MROH7: variants seen among roughly 807,000 people sequenced by gnomAD.
MROH7 encodes maestro heat-like repeat-containing protein family member 7.
In MROH7, 113 loss-of-function variants were observed where a neutral mutation model predicts 129.2. That is an observed-to-expected ratio of 0.87 (90% confidence interval 0.75 to 1.02). The LOEUF (loss-of-function observed/expected upper bound fraction) is 1.02. Among genes scored for constraint, MROH7 ranks in the 50% least tolerant of loss-of-function variants. MROH7 has a pLI of 0.00. For synonymous variants in MROH7, 655 were observed against 667.9 expected, an observed-to-expected ratio of 0.98 and a Z score of 0.30; for missense variants, 1,601 against 1,671.3, an observed-to-expected ratio of 0.96 and a Z score of 0.73.
chr1:54,692,407 T>A lies in MROH7; in HGVS notation c.2712-17T>A. On this transcript the variant is annotated splice_polypyrimidine_tract_variant and intron_variant, in intron 15 of 23. Coordinates refer to ENST00000421030, the MANE Select transcript of MROH7 (RefSeq NM_001039464.4). ...GGCCCAGGTAGGCATGAGGTCTTAA[T>A]TGCCTTGTCTTGGCAGCTGGGTGGT... The A allele has an allele frequency of 6.2e-7, 1 of 1,613,750 alleles. No individual in the cohort carries two copies. The highest frequency in any genetic ancestry group is 8.5e-7 in the Non-Finnish European group (1 of 1,179,766).
chr1:54,675,746 T>C (rs1557708191), intron 10 of MROH7, among the ~76,000 whole-genome samples: 1 of 151,716 alleles, frequency 6.6e-6, no homozygotes, highest in Non-Finnish European at 1.5e-5. Context: ...TACAGGAGCA[T>C]GCTACCATGC....
At position 54,710,133 on chromosome 1, in the gene MROH7, G is replaced by T. The variant is rs761699601; in HGVS notation, c.3918G>T (p.Arg1306=). The T allele has an allele frequency of 7.4e-6, 12 of 1,613,640 alleles. No homozygotes were observed. The Admixed American group carries it at 1.7e-4, about 22-fold the overall frequency. Residue 1306 remains arginine, a synonymous_variant, in exon 24 of 24, where the codon CGG becomes CGT. Transcript: ENST00000421030. Reference sequence around the variant, plus strand: ...AGAACCTGCCCACTTCCCACCAGCGGCGCTCCTGGATCATGCAGGCACTGG... The same window carrying T: ...AGAACCTGCCCACTTCCCACCAGCGTCGCTCCTGGATCATGCAGGCACTGG... ...SCENLPTSHQ[R]RSWIMQALGS...
Position 54,676,867 on chromosome 1 carries a change from C to A in MROH7, c.1937-1875C>A, listed in dbSNP as rs376726158. On this transcript the variant is annotated intron_variant, in intron 10 of 23. Transcript: ENST00000421030. The stretch of plus-strand genomic sequence containing the variant: ...GGGATTACAGGCATGCACTACCGTG[C>A]CTGGCTAATTTTTATATTTTTAATA... Among the ~76,000 whole-genome samples, 15 of 151,986 alleles carry A rather than the reference C, an allele frequency of 9.9e-5. No homozygotes were observed. The East Asian group carries it at 1.4e-3, about 14-fold the overall frequency.
At chr1:54,644,864 C>T (rs532795766) in intron 1 of MROH7, among the ~76,000 whole-genome samples, 41 of 148,814 alleles carry the variant, frequency 2.8e-4, no homozygotes, top group African/African-American at 9.5e-4. Flanking sequence ...GCCTGGAGTA[C>T]GGTGGTGCAA....
At chr1:54,671,115 C>A (rs576156157) in intron 7 of MROH7, among the ~76,000 whole-genome samples, 186 bp downstream of exon 7, 3 of 152,114 alleles carry the variant, frequency 2.0e-5, no homozygotes, top group East Asian at 1.9e-4. Context: ...CAGCTGGGCG[C>A]GGTGGCTCAC....
rs1387736814 is a variant in MROH7 at position 54,695,500 on chromosome 1, G to T, written c.2964+10G>T. Reference sequence around the variant, plus strand: ...CGCCTTCTTCGTGGAGGTACCAACGGGGGCAGCGGGTACACAGCGGGAGCT... The same window carrying T: ...CGCCTTCTTCGTGGAGGTACCAACGTGGGCAGCGGGTACACAGCGGGAGCT... On this transcript the variant is annotated intron_variant, in intron 17 of 23. Transcript: ENST00000421030. 6.3e-7 allele frequency: 1 copy of T among 1,592,568 alleles called. No individual in the cohort carries two copies. The highest frequency in any genetic ancestry group is 2.2e-5 in the East Asian group (1 of 44,564).
rs201261795 is a variant in MROH7 at position 54,702,684 on chromosome 1, C to T, written c.3503C>T (p.Ala1168Val). 1.5e-4 allele frequency: 249 copies of T among 1,613,846 alleles called. No homozygotes were observed. The African/African-American group carries it at 2.7e-3, about 17-fold the overall frequency. The change falls in exon 21 of 24, where the codon GCT (alanine) becomes GTT (valine). Residue 1168 changes from alanine (A) to valine (V), a missense_variant. By Grantham distance (64) the Ala-to-Val change is moderately conservative (BLOSUM62 0). Transcript: ENST00000421030. ...ATGGCTTGGGAGTTGCCAAAAAGAGCTTATAGCCGGAAGCCCTGGGACAAC... is the reference window on the plus strand; with the variant it reads ...ATGGCTTGGGAGTTGCCAAAAAGAGTTTATAGCCGGAAGCCCTGGGACAAC... ...YFMAWELPKR[A>V]YSRKPWDNQQ... is the part of the protein sequence containing the mutation.
chr1:54,679,115 A>G, intron 11 of MROH7, 148 bp from the exon 12 acceptor site: 1 of 857,992 alleles, frequency 1.2e-6, no homozygotes, highest in Non-Finnish European at 2.0e-6. Flanking sequence ...AAGGTTCAAC[A>G]CTTATGTGTT....
chr1:54,647,599 G>C (rs1396385669), intron 1 of MROH7, among the ~76,000 whole-genome samples: 1 of 152,150 alleles, frequency 6.6e-6, no homozygotes. Flanking sequence ...AATTAGCCGG[G>C]TGTGGTGGCA....
rs752131035 is a variant in MROH7 at position 54,679,926 on chromosome 1, G to A, written c.2262G>A (p.Leu754=). The change falls in exon 13 of 24, where the codon CTG becomes CTA. Residue 754 remains leucine (L), a synonymous_variant. Transcript: ENST00000421030. Reference sequence around the variant, plus strand: ...TCATGCAAGGCATCTACATGCAGCTGAGCCACATCCAGGAGCCTCGGGCCC... The same window carrying A: ...TCATGCAAGGCATCTACATGCAGCTAAGCCACATCCAGGAGCCTCGGGCCC... The part of the protein sequence containing the change: ...PEIMQGIYMQ[L]SHIQEPRARQ... 1.9e-6 allele frequency: 3 copies of A among 1,613,320 alleles called. No individual in the cohort carries two copies. Among genetic ancestry groups the A allele is most frequent in the East Asian group, 4.5e-5 (2 of 44,868 alleles).
At position 54,665,181 on chromosome 1, in the gene MROH7, G is replaced by GTGACC; in HGVS notation, c.1248_1252dup (p.Ser418Ter). 6.2e-7 allele frequency: 1 copy of GTGACC among 1,613,874 alleles called. No individual in the cohort carries two copies. The highest frequency in any genetic ancestry group is 8.5e-7 in the Non-Finnish European group (1 of 1,179,870). ...GTGCCCTGCAGGAGCCTTTGATGAA[G>GTGACC]TGACCTCATGCCTGGTGAAGGTGCC... is the stretch of plus-strand genomic sequence containing the variant. On this transcript the variant is annotated frameshift_variant, in exon 4 of 24. Coordinates refer to ENST00000421030, the MANE Select transcript of MROH7 (RefSeq NM_001039464.4). LOFTEE classifies it high-confidence loss of function.
intron 3 of MROH7, among the ~76,000 whole-genome samples, chr1:54,657,844 A>G (rs1217116647): frequency 6.6e-6 from 1 of 151,972 alleles, no homozygotes; most frequent in Non-Finnish European, 1.5e-5. Flanking sequence ...TAGTTTTAGT[A>G]GAGATGGGGT....
chr1:54,675,818 CA>C (rs199723567), intron 10 of MROH7, among the ~76,000 whole-genome samples: 3 of 149,882 alleles, frequency 2.0e-5, no homozygotes, highest in Non-Finnish European at 3.0e-5. Flanking sequence ...ACCAAAAATA[CA>C]AAAAAAATAC....
intron 15 of MROH7, among the ~76,000 whole-genome samples, chr1:54,687,873 T>TTTC (rs10651428): frequency 0.17 from 23,745 of 135,900 alleles, 2,088 homozygotes; most frequent in East Asian, 0.29. Flanking sequence ...TTTTTCTTTC[T>TTTC]TTTTTTTTTT....
intron 3 of MROH7, among the ~76,000 whole-genome samples, chr1:54,655,052 C>T (rs541255731): frequency 6.9e-6 from 1 of 145,940 alleles, no homozygotes; most frequent in Non-Finnish European, 1.5e-5. Context: ...TCTCATTCTG[C>T]AGCCCAGGCT....
chr1:54,695,109 AG>A (rs1316713794), intron 16 of MROH7, among the ~76,000 whole-genome samples: 1 of 152,106 alleles, frequency 6.6e-6, no homozygotes, highest in East Asian at 1.9e-4. Context: ...TGTGCAGCTG[AG>A]GGTCTTCAGC....
rs764707956 is a variant in MROH7 at position 54,692,563 on chromosome 1, T to G, written c.2849+2T>G. 3 of 1,611,442 alleles carry G rather than the reference T, an allele frequency of 1.9e-6. No individual in the cohort carries two copies. The highest frequency in any genetic ancestry group is 2.5e-6 in the Non-Finnish European group (3 of 1,179,320). On this transcript the variant is annotated splice_donor_variant, in intron 16 of 23. Coordinates refer to ENST00000421030, the MANE Select transcript of MROH7 (RefSeq NM_001039464.4). LOFTEE classifies it high-confidence loss of function. ...CCGCGGAGTGGCCTTGCTGGCAAGG[T>G]GAGTCCCGGGACCACCTTGGGGTTG...
At chr1:54,679,108 G>T (rs1431824457) in intron 11 of MROH7, among the ~76,000 whole-genome samples, 155 bp from the exon 12 acceptor site, 6 of 152,186 alleles carry the variant, frequency 3.9e-5, no homozygotes, top group South Asian at 4.1e-4. Context: ...TCCCCTAAAG[G>T]TTCAACACTT....
At position 54,710,145 on chromosome 1, in the gene MROH7, C is replaced by T. The variant is rs267598655; in HGVS notation, c.3930C>T (p.Ile1310=). 1 of 1,613,646 alleles carries T rather than the reference C, an allele frequency of 6.2e-7. No homozygotes were observed. Among genetic ancestry groups the T allele is most frequent in the Non-Finnish European group, 8.5e-7 (1 of 1,179,978 alleles). The change falls in exon 24 of 24, where the codon ATC becomes ATT. Residue 1310 remains isoleucine, a synonymous_variant. Coordinates refer to ENST00000421030, the MANE Select transcript of MROH7 (RefSeq NM_001039464.4). ...CTTCCCACCAGCGGCGCTCCTGGAT[C>T]ATGCAGGCACTGGGCTCCTGGAAGA... ...LPTSHQRRSW[I]MQALGSWKMS... is the part of the protein sequence containing the mutation.
Sources: allele counts gnomAD v4.1 joint callset (sites outside exome capture counted in the v4.1 genomes callset), GRCh38; gene constraint gnomAD v4.1.1; transcripts MANE v1.5; gene names NCBI Gene and HGNC (gene_info 2026-07-23, HGNC 2026-07-21).